Variants in COLQ observed in about 807,000 individuals in gnomAD.
The protein encoded by COLQ is collagen like tail subunit of asymmetric acetylcholinesterase, also known as acetylcholinesterase collagenic tail peptide.
A neutral mutation model predicts 69.0 loss-of-function variants in COLQ; 48 were observed. The ratio of observed to expected loss-of-function variants is 0.70; its 90% confidence interval spans 0.55 to 0.88. The LOEUF is 0.88. Ranked by LOEUF, COLQ falls within the 40% of genes least tolerant of loss-of-function variation. The pLI is 0.00. For missense variants in COLQ, 618 were observed against 594.6 expected (o/e 1.04, Z -0.41); for synonymous variants, 217 against 211.2 (o/e 1.03, Z -0.24).
chr3:15,451,563 G>T lies in COLQ; in HGVS notation c.*81C>A. ...TCACACAAAGGTTGGTGGAGACGGGGCCAGGACATGGCCAGTTTGATGACA... is the reference window on the plus strand; with the variant it reads ...TCACACAAAGGTTGGTGGAGACGGGTCCAGGACATGGCCAGTTTGATGACA... On this transcript the variant is annotated 3_prime_UTR_variant, in exon 17 of 17. Coordinates refer to ENST00000383788, the MANE Select transcript of COLQ (RefSeq NM_005677.4). 1 of 1,321,236 alleles carries T rather than the reference G, an allele frequency of 7.6e-7. No homozygotes were observed. The allele number at this position is 1,321,236 out of a possible 1,614,324, so 81.8% of individuals were successfully genotyped here.
At chr3:15,492,002 G>A (rs941722435) in intron 1 of COLQ, among the ~76,000 whole-genome samples, 3 of 151,258 alleles carry the variant, frequency 2.0e-5, no homozygotes. Context: ...AGGTTGCAGT[G>A]AGCTGAGATT....
chr3:15,502,332 G>C (rs1234845054), intron 1 of COLQ, among the ~76,000 whole-genome samples: 2 of 151,926 alleles, frequency 1.3e-5, no homozygotes, highest in African/African-American at 2.4e-5. Flanking sequence ...GGCCAGGCCG[G>C]TCTTGAACTC....
chr3:15,452,141 A>C lies in COLQ; in HGVS notation c.1299-428T>G, dbSNP rs113904909. Among the ~76,000 whole-genome samples the C allele has an allele frequency of 9.5e-3, 1,403 of 146,960 alleles. 25 individuals are homozygous for C. Among genetic ancestry groups the C allele is most frequent in the African/African-American group, 0.034 (1,332 of 39,722 alleles). On this transcript the variant is annotated intron_variant, in intron 16 of 16. Coordinates refer to ENST00000383788, the MANE Select transcript of COLQ (RefSeq NM_005677.4). ...GAGTGCAGTGGTGTGATCTCGGCTC[A>C]CTGCAGCCTCTGCCTCCCAGGTTCA...
At chr3:15,477,458 A>T in intron 5 of COLQ, 2 of 476,544 alleles carry the variant, frequency 4.2e-6, no homozygotes, top group Non-Finnish European at 7.7e-6. Context: ...AATTTTTGTC[A>T]CTTCTACCCA....
chr3:15,517,326 A>C (rs553328007), intron 1 of COLQ, among the ~76,000 whole-genome samples: 2 of 152,308 alleles, frequency 1.3e-5, no homozygotes, highest in Non-Finnish European at 2.9e-5. Context: ...TAACAGCTGC[A>C]TGACCTTGGG....
In COLQ at chr3:15,451,722, G is replaced by A. The variant is rs1372494255; in HGVS notation, c.1299-9C>T. 2 of 1,613,408 alleles carry A rather than the reference G, an allele frequency of 1.2e-6. No homozygotes were observed. Among genetic ancestry groups the A allele is most frequent in the Admixed American group, 3.3e-5 (2 of 60,030 alleles). Reference sequence around the variant, plus strand: ...GCAGGTCTCCATATGACCTGAGGGAGGCAAAGACACGTTCTAAAAGGCCAC... The same window carrying A: ...GCAGGTCTCCATATGACCTGAGGGAAGCAAAGACACGTTCTAAAAGGCCAC... On this transcript the variant is annotated splice_polypyrimidine_tract_variant and intron_variant, in intron 16 of 16. Coordinates refer to ENST00000383788, the MANE Select transcript of COLQ (RefSeq NM_005677.4).
intron 3 of COLQ, among the ~76,000 whole-genome samples, chr3:15,486,387 A>AC (rs1419238103): frequency 1.3e-5 from 2 of 152,154 alleles, no homozygotes. Context: ...CACAGACCTC[A>AC]CTTTGAGTAG....
At chr3:15,503,377 T>A (rs2062858808) in intron 1 of COLQ, among the ~76,000 whole-genome samples, 1 of 152,278 alleles carries the variant, frequency 6.6e-6, no homozygotes, top group Middle Eastern at 3.4e-3. Context: ...TCATTATTCT[T>A]GCCAATGATT....
intron 2 of COLQ, among the ~76,000 whole-genome samples, chr3:15,488,604 A>G (rs1290395251): frequency 1.3e-5 from 2 of 152,210 alleles, no homozygotes; most frequent in Non-Finnish European, 2.9e-5. Flanking sequence ...TCCAATGGAA[A>G]CATAACTAAC....
At chr3:15,479,227 C>T in intron 4 of COLQ, 111 bp downstream of exon 4, 2 of 1,259,542 alleles carry the variant, frequency 1.6e-6, no homozygotes, top group South Asian at 1.2e-5. Flanking sequence ...CTCACCAAGG[C>T]AGAGTTAGCA....
intron 11 of COLQ, among the ~76,000 whole-genome samples, chr3:15,466,951 G>A (rs915318823): frequency 1.3e-5 from 2 of 152,128 alleles, no homozygotes; most frequent in Non-Finnish European, 2.9e-5. Context: ...CTAGTTAACT[G>A]TCACTCACCC....
At chr3:15,493,819 C>T (rs1013966583) in intron 1 of COLQ, among the ~76,000 whole-genome samples, 1 of 152,254 alleles carries the variant, frequency 6.6e-6, no homozygotes, top group Non-Finnish European at 1.5e-5. Context: ...CGTGGTGGCT[C>T]ACGCCTGTAA....
intron 1 of COLQ, among the ~76,000 whole-genome samples, chr3:15,491,999 A>C (rs2062674898): frequency 6.6e-6 from 1 of 152,010 alleles, no homozygotes; most frequent in Non-Finnish European, 1.5e-5. Flanking sequence ...TGGAGGTTGC[A>C]GTGAGCTGAG....
chr3:15,457,094 G>T (rs1013134246), intron 13 of COLQ, among the ~76,000 whole-genome samples: 2 of 152,054 alleles, frequency 1.3e-5, no homozygotes, highest in Non-Finnish European at 2.9e-5. Flanking sequence ...AAAGTTCTGG[G>T]ATTACAGGCA....
At chr3:15,483,107 C>T (rs1236723756) in intron 3 of COLQ, among the ~76,000 whole-genome samples, 2 of 152,044 alleles carry the variant, frequency 1.3e-5, no homozygotes, top group African/African-American at 4.8e-5. Flanking sequence ...CTCTTTTCTT[C>T]TTTATTAGTC....
intron 1 of COLQ, among the ~76,000 whole-genome samples, chr3:15,513,445 G>T (rs2063014989): frequency 6.6e-6 from 1 of 152,172 alleles, no homozygotes; most frequent in Non-Finnish European, 1.5e-5. Flanking sequence ...AAGTTGTTTG[G>T]GGTAAGCAGG....
intron 1 of COLQ, among the ~76,000 whole-genome samples, chr3:15,493,435 T>G (rs2062701085): frequency 6.6e-6 from 1 of 152,268 alleles, no homozygotes; most frequent in South Asian, 2.1e-4. Flanking sequence ...CCTTCCTCGA[T>G]CCCCTGTCCC....
chr3:15,503,405 C>G (rs1448211512), intron 1 of COLQ, among the ~76,000 whole-genome samples: 1 of 152,212 alleles, frequency 6.6e-6, no homozygotes, highest in Non-Finnish European at 1.5e-5. Flanking sequence ...GGTGCACAGA[C>G]TCAATTCCTG....
At chr3:15,481,768 G>A (rs1170859335) in intron 3 of COLQ, among the ~76,000 whole-genome samples, 1 of 152,198 alleles carries the variant, frequency 6.6e-6, no homozygotes, top group Non-Finnish European at 1.5e-5. Flanking sequence ...TTGGTAGCTT[G>A]ATGGGGATGG....
Sources: gnomAD v4.1 joint callset for allele counts (sites outside exome capture counted in the v4.1 genomes callset) on GRCh38, gnomAD v4.1.1 for gene constraint, MANE v1.5 for transcripts, NCBI Gene and HGNC (gene_info 2026-07-23, HGNC 2026-07-21) for gene names.